Variants in CLASP1 observed in about 807,000 individuals in gnomAD.
CLASP1 encodes the protein CLIP-associating protein 1.
CLASP1 carries 38 observed loss-of-function variants against 192.3 expected under a neutral mutation model. That is an observed-to-expected ratio of 0.20 (90% CI 0.15 to 0.26). The LOEUF (loss-of-function observed/expected upper bound fraction) is 0.26, where lower values mean the gene tolerates loss of function less well. CLASP1 is among the 10% of genes least tolerant of loss of function. The pLI, the probability that CLASP1 is intolerant of heterozygous loss-of-function variation, is 1.00. For missense variants in CLASP1, 1,433 were observed against 1,932.5 expected, an observed-to-expected ratio of 0.74 and a Z score of 4.85; for synonymous variants, 691 against 712.8, an observed-to-expected ratio of 0.97 and a Z score of 0.49.
intron 39 of CLASP1, among the ~76,000 whole-genome samples, chr2:121,342,740 C>T (rs1169256250): frequency 1.3e-5 from 2 of 152,032 alleles, no homozygotes; most frequent in Non-Finnish European, 2.9e-5. Flanking sequence ...CAGTTCAAGA[C>T]CAGACTGGCA....
chr2:121,387,531 A>G (rs915481077), intron 31 of CLASP1, among the ~76,000 whole-genome samples: 2 of 152,204 alleles, frequency 1.3e-5, no homozygotes, highest in African/African-American at 4.8e-5. Flanking sequence ...TGAATGACTA[A>G]CTGGATAACC....
intron 25 of CLASP1, among the ~76,000 whole-genome samples, chr2:121,405,344 T>TCA (rs1212992161): frequency 1.3e-5 from 2 of 152,140 alleles, no homozygotes; most frequent in African/African-American, 4.8e-5. Flanking sequence ...AGTACTCTGC[T>TCA]ATCTTTAAGC....
chr2:121,486,715 T>C (rs1184507208), intron 8 of CLASP1, among the ~76,000 whole-genome samples: 6 of 152,236 alleles, frequency 3.9e-5, no homozygotes, highest in African/African-American at 9.6e-5. Context: ...TGTTCTCTCA[T>C]ACTTTAAAGT....
chr2:121,459,162 T>A lies in CLASP1; in HGVS notation c.1179-187A>T, dbSNP rs186269259. ...CCAAAAGTTTTGTTGTTTTTTTTTT[T>A]AAAAAAAAACATTTCCAACTAGTCT... On this transcript the variant is annotated intron_variant, in intron 12 of 39. Coordinates refer to ENST00000263710, the Ensembl canonical transcript of CLASP1. 8.8e-3 allele frequency among the ~76,000 whole-genome samples: 1,316 copies of A among 150,000 alleles called. 12 individuals are homozygous for A. Among genetic ancestry groups the A allele is most frequent in the African/African-American group, 0.025 (1,042 of 40,954 alleles).
At chr2:121,648,834 C>G (rs1259399945) in intron 1 of CLASP1, among the ~76,000 whole-genome samples, 4 of 152,258 alleles carry the variant, frequency 2.6e-5, no homozygotes, top group Admixed American at 2.6e-4. Flanking sequence ...GGCCGCTCCG[C>G]TCGGCGCCGC....
chr2:121,601,458 G>T (rs536594730), intron 2 of CLASP1, among the ~76,000 whole-genome samples: 18 of 152,228 alleles, frequency 1.2e-4, no homozygotes, highest in African/African-American at 4.1e-4. Flanking sequence ...TTTTAGTAGA[G>T]ATGGGGTTTC....
chr2:121,430,494 G>A (rs952140242), intron 19 of CLASP1, among the ~76,000 whole-genome samples: 30 of 152,136 alleles, frequency 2.0e-4, no homozygotes, highest in African/African-American at 7.2e-4. Flanking sequence ...ATCCATTTGA[G>A]GACATTTCCC....
chr2:121,497,169 T>C (rs1487993841), intron 8 of CLASP1, among the ~76,000 whole-genome samples: 3 of 152,226 alleles, frequency 2.0e-5, no homozygotes, highest in Admixed American at 6.5e-5. Flanking sequence ...TAATTATATA[T>C]GTAGATTTTA....
At chr2:121,485,639 G>A (rs1156290635) in intron 8 of CLASP1, among the ~76,000 whole-genome samples, 2 of 152,096 alleles carry the variant, frequency 1.3e-5, no homozygotes, top group African/African-American at 2.4e-5. Context: ...CAAGGCGGGC[G>A]GATCACTTGA....
chr2:121,408,918 G>T, intron 24 of CLASP1: 1 of 861,260 alleles, frequency 1.2e-6, no homozygotes, highest in East Asian at 2.7e-5. Context: ...TCATATTTCA[G>T]ACCAGAATTT....
chr2:121,644,489 A>T (rs2072764561), intron 1 of CLASP1, among the ~76,000 whole-genome samples: 1 of 152,158 alleles, frequency 6.6e-6, no homozygotes, highest in South Asian at 2.1e-4. Context: ...CGTCTCTACT[A>T]GAAATATAAC....
At chr2:121,555,645 C>T (rs1038391687) in intron 2 of CLASP1, among the ~76,000 whole-genome samples, 2 of 152,164 alleles carry the variant, frequency 1.3e-5, no homozygotes, top group African/African-American at 4.8e-5. Context: ...TCCTTGCTTC[C>T]AATCCCAGCC....
At chr2:121,628,708 T>A (rs560295873) in intron 1 of CLASP1, among the ~76,000 whole-genome samples, 1 of 149,726 alleles carries the variant, frequency 6.7e-6, no homozygotes, top group East Asian at 2.0e-4. Flanking sequence ...TTGAATATAA[T>A]CAAATAAACA....
intron 2 of CLASP1, among the ~76,000 whole-genome samples, chr2:121,566,581 T>C (rs1050111631): frequency 6.6e-6 from 1 of 152,190 alleles, no homozygotes; most frequent in Non-Finnish European, 1.5e-5. Context: ...TCCAAAACAG[T>C]AAGCATTGTA....
At chr2:121,542,809 T>C (rs115475312) in intron 2 of CLASP1, among the ~76,000 whole-genome samples, 21 of 152,298 alleles carry the variant, frequency 1.4e-4, no homozygotes, top group African/African-American at 4.3e-4. Flanking sequence ...CTTCAAAAGG[T>C]ATTTAGGATC....
intron 7 of CLASP1, chr2:121,504,896 C>T (rs532290187): frequency 6.6e-6 from 1 of 152,338 alleles, no homozygotes; most frequent in South Asian, 2.1e-4. Context: ...CAATTGCCAC[C>T]TCAGGACCAG....
intron 6 of CLASP1, among the ~76,000 whole-genome samples, chr2:121,520,415 C>T (rs756811687): frequency 3.9e-5 from 6 of 152,212 alleles, no homozygotes; most frequent in Non-Finnish European, 7.3e-5. Flanking sequence ...ACCCCAGCAC[C>T]CCAGCACAGC....
intron 2 of CLASP1, among the ~76,000 whole-genome samples, 167 bp downstream of exon 2, chr2:121,605,534 T>C (rs2064324646): frequency 6.6e-6 from 1 of 152,198 alleles, no homozygotes; most frequent in Admixed American, 6.5e-5. Context: ...CAAAGAAAAC[T>C]CTACTTTCTC....
At chr2:121,522,110 TTGTATGTCTG>T (rs1029823147) in intron 6 of CLASP1, among the ~76,000 whole-genome samples, 4 of 152,272 alleles carry the variant, frequency 2.6e-5, no homozygotes, top group African/African-American at 9.6e-5. Context: ...CATGGATTGA[TTGTATGTCTG>T]TGTATGTGTG....
Sources: allele counts gnomAD v4.1 joint callset (sites outside exome capture counted in the v4.1 genomes callset), GRCh38; gene constraint gnomAD v4.1.1; transcripts MANE v1.5; gene names NCBI Gene and HGNC (gene_info 2026-07-23, HGNC 2026-07-21).